Variants in PLXNA4 observed in about 807,000 individuals in gnomAD.
PLXNA4 encodes plexin A4.
In PLXNA4, 44 loss-of-function variants were observed where a neutral mutation model predicts 191.8. The observed-to-expected ratio is 0.23, with a 90% CI of 0.18 to 0.29. PLXNA4 has a LOEUF of 0.29. Among genes scored for constraint, PLXNA4 ranks in the 10% least tolerant of loss-of-function variants. PLXNA4 has a pLI of 1.00. For missense variants in PLXNA4, 1,800 were observed against 2,488.8 expected (o/e 0.72, Z 5.89); for synonymous variants, 1,082 against 1,009.5 (o/e 1.07, Z -1.36).
intron 3 of PLXNA4, among the ~76,000 whole-genome samples, chr7:132,326,667 C>T (rs1040275970): frequency 3.3e-5 from 5 of 152,204 alleles, no homozygotes; most frequent in African/African-American, 1.2e-4. Flanking sequence ...GAGAGGCTTC[C>T]CTGACTCCGA....
intron 8 of PLXNA4, among the ~76,000 whole-genome samples, chr7:132,224,886 T>G (rs906996181): frequency 1.3e-4 from 20 of 152,184 alleles, no homozygotes; most frequent in African/African-American, 4.8e-4. Context: ...AGATCTCTGG[T>G]CATGTCAGCT....
chr7:132,285,461 T>C (rs1800649593), intron 4 of PLXNA4, among the ~76,000 whole-genome samples: 1 of 152,230 alleles, frequency 6.6e-6, no homozygotes, highest in Admixed American at 6.5e-5. Flanking sequence ...CCTTAGCCAT[T>C]GTGCATCCCT....
At chr7:132,330,318 A>G (rs1738351546) in intron 3 of PLXNA4, among the ~76,000 whole-genome samples, 1 of 152,196 alleles carries the variant, frequency 6.6e-6, no homozygotes, top group South Asian at 2.1e-4. Context: ...GACCTCTGGG[A>G]CACCAGCAGT....
At chr7:132,256,558 G>A (rs1463648461) in intron 4 of PLXNA4, among the ~76,000 whole-genome samples, 3 of 152,106 alleles carry the variant, frequency 2.0e-5, no homozygotes, top group African/African-American at 7.2e-5. Flanking sequence ...GGAGGGAAAG[G>A]CAGGAATTTG....
chr7:132,371,473 G>A (rs916470822), intron 3 of PLXNA4, among the ~76,000 whole-genome samples: 1 of 152,102 alleles, frequency 6.6e-6, no homozygotes, highest in African/African-American at 2.4e-5. Context: ...TGTCAGTACC[G>A]CTTAGATGTA....
intron 2 of PLXNA4, among the ~76,000 whole-genome samples, chr7:132,498,964 C>T (rs1798139415): frequency 6.6e-6 from 1 of 152,188 alleles, no homozygotes; most frequent in Non-Finnish European, 1.5e-5. Context: ...CCATCTGTGG[C>T]CCAAGCCCAC....
intron 5 of PLXNA4, among the ~76,000 whole-genome samples, chr7:132,233,720 T>A (rs1263223650): frequency 1.3e-5 from 2 of 152,250 alleles, no homozygotes; most frequent in Admixed American, 6.5e-5. Flanking sequence ...TGGGCTTATA[T>A]AGCAACCAAG....
chr7:132,346,902 T>C (rs1029051619), intron 3 of PLXNA4, among the ~76,000 whole-genome samples: 2 of 152,202 alleles, frequency 1.3e-5, no homozygotes, highest in African/African-American at 4.8e-5. Context: ...GTATTTTTGA[T>C]GTTGATATCA....
chr7:132,158,103 C>T (rs1036986633), intron 25 of PLXNA4, among the ~76,000 whole-genome samples: 5 of 152,202 alleles, frequency 3.3e-5, no homozygotes, highest in Middle Eastern at 3.2e-3. Flanking sequence ...ACCGAATCTC[C>T]CTCCCTCAAT....
intron 3 of PLXNA4, among the ~76,000 whole-genome samples, chr7:132,314,879 A>T (rs1422599333): frequency 3.3e-5 from 5 of 152,200 alleles, no homozygotes; most frequent in Non-Finnish European, 7.3e-5. Context: ...GCCAGCAACA[A>T]AATTGTCTTG....
chr7:132,147,973 T>C lies in PLXNA4; in HGVS notation c.4791A>G (p.Leu1597=), dbSNP rs1562883048. The C allele has an allele frequency of 6.2e-7, 1 of 1,614,170 alleles. No individual in the cohort carries two copies. Among genetic ancestry groups the C allele is most frequent in the East Asian group, 2.2e-5 (1 of 44,872 alleles). The change falls in exon 27 of 32, where the codon TTA becomes TTG. Residue 1597 remains leucine (L), a synonymous_variant. Coordinates refer to ENST00000321063, the MANE Select transcript of PLXNA4 (RefSeq NM_020911.2). Reference sequence around the variant, plus strand: ...TATAGGCTGTCACCTGCTTGGACACTAATGCCACCACGGAACCATCTGGCA... The same window carrying C: ...TATAGGCTGTCACCTGCTTGGACACCAATGCCACCACGGAACCATCTGGCA... The part of the protein sequence containing the change: ...YQVPDGSVVA[L]VSKQVTAYNA...
At chr7:132,560,581 G>C (rs1315790784) in intron 1 of PLXNA4, among the ~76,000 whole-genome samples, 1 of 152,018 alleles carries the variant, frequency 6.6e-6, no homozygotes, top group Non-Finnish European at 1.5e-5. Flanking sequence ...GAAGCTGCCG[G>C]GGACACAAGA....
chr7:132,635,524 C>T (rs936288730), intron 2 of PLXNA4, among the ~76,000 whole-genome samples: 3 of 152,076 alleles, frequency 2.0e-5, no homozygotes, highest in Non-Finnish European at 2.9e-5. Context: ...ACACGATGTT[C>T]CCAGCAATTA....
chr7:132,583,689 A>G (rs1001339526), intron 2 of PLXNA4, among the ~76,000 whole-genome samples: 7 of 152,232 alleles, frequency 4.6e-5, no homozygotes, highest in Non-Finnish European at 7.3e-5. Context: ...GTCTGCCTCC[A>G]GGACTCTGTG....
chr7:132,176,604 G>GTGTGTA (rs1554380098), intron 20 of PLXNA4, among the ~76,000 whole-genome samples: 3 of 149,038 alleles, frequency 2.0e-5, no homozygotes, highest in African/African-American at 7.6e-5. Flanking sequence ...ATGTCAGGGA[G>GTGTGTA]TGTGTATGAC....
chr7:132,623,701 TG>T (rs529011923), intron 2 of PLXNA4, among the ~76,000 whole-genome samples: 2 of 152,158 alleles, frequency 1.3e-5, no homozygotes, highest in Non-Finnish European at 2.9e-5. Context: ...CCTGGGACCC[TG>T]GGGCTCTACA....
chr7:132,370,017 A>G (rs922636799), intron 3 of PLXNA4, among the ~76,000 whole-genome samples: 13 of 150,942 alleles, frequency 8.6e-5, no homozygotes, highest in Admixed American at 7.9e-4. Context: ...GCAGTGAGCC[A>G]AGATCGCACC....
At chr7:132,507,439 G>A (rs964516596) in intron 2 of PLXNA4, 67 bp downstream of exon 2, 70 of 1,497,834 alleles carry the variant, frequency 4.7e-5, no homozygotes, top group Middle Eastern at 1.8e-4. Context: ...ATCCCATGGG[G>A]GCTACAGGCT....
At chr7:132,500,445 AAAG>A (rs976673604) in intron 2 of PLXNA4, among the ~76,000 whole-genome samples, 4 of 148,846 alleles carry the variant, frequency 2.7e-5, no homozygotes, top group African/African-American at 7.8e-5. Flanking sequence ...CACTGTCTCA[AAAG>A]AAGAAGGAGA....
Sources: gnomAD v4.1 joint callset for allele counts (sites outside exome capture counted in the v4.1 genomes callset) on GRCh38, gnomAD v4.1.1 for gene constraint, MANE v1.5 for transcripts, NCBI Gene and HGNC (gene_info 2026-07-23, HGNC 2026-07-21) for gene names.